CUX1: variants seen among roughly 807,000 people sequenced by gnomAD.
CUX1 encodes cut like homeobox 1, also known as protein CASP.
CUX1 carries 31 observed loss-of-function variants against 158.8 expected under a neutral mutation model. The observed-to-expected ratio is 0.20, with a 90% CI of 0.15 to 0.26. The LOEUF is 0.26. Ranked by LOEUF, CUX1 falls within the 10% of genes least tolerant of loss-of-function variation. The pLI is 1.00. For synonymous variants in CUX1, 879 were observed against 862.1 expected, an observed-to-expected ratio of 1.02 and a Z score of -0.34; for missense variants, 1,589 against 2,014.6, an observed-to-expected ratio of 0.79 and a Z score of 4.04.
intron 12 of CUX1, among the ~76,000 whole-genome samples, chr7:102,193,621 G>A (rs1020784731): frequency 3.3e-5 from 5 of 152,036 alleles, no homozygotes; most frequent in African/African-American, 7.2e-5. Context: ...CCTGGCCAAC[G>A]TGGTGAAACC....
At chr7:101,895,247 C>G (rs1224603392) in intron 1 of CUX1, among the ~76,000 whole-genome samples, 1 of 152,186 alleles carries the variant, frequency 6.6e-6, no homozygotes, top group Non-Finnish European at 1.5e-5. Context: ...TCTTGAACTC[C>G]TGACCTCAAA....
At chr7:102,010,927 A>G (rs1476885079) in intron 2 of CUX1, among the ~76,000 whole-genome samples, 1 of 152,092 alleles carries the variant, frequency 6.6e-6, no homozygotes, top group Non-Finnish European at 1.5e-5. Flanking sequence ...CCTGACCAAC[A>G]TGGAGAAACC....
intron 2 of CUX1, among the ~76,000 whole-genome samples, chr7:101,937,605 G>C (rs1393230847): frequency 6.6e-6 from 1 of 152,030 alleles, no homozygotes; most frequent in African/African-American, 2.4e-5. Context: ...CTGCCTCCCA[G>C]GTTCAAGCAA....
intron 2 of CUX1, among the ~76,000 whole-genome samples, chr7:101,986,121 A>T (rs550770335): frequency 6.6e-6 from 1 of 152,192 alleles, no homozygotes; most frequent in Non-Finnish European, 1.5e-5. Flanking sequence ...CCCCTCACAG[A>T]CAATTCAGGA....
At position 102,248,691 on chromosome 7, in the gene CUX1, C is replaced by A. The variant is rs1554538027; in HGVS notation, c.4167C>A (p.Asp1389Glu). Reference sequence around the variant, plus strand: ...CGGGCCCGGACGACGCCCGCGACGACGACCACGAGGGAGGCCCCGTGGAAG... The same window carrying A: ...CGGGCCCGGACGACGCCCGCGACGAAGACCACGAGGGAGGCCCCGTGGAAG... ...GTPGPDDARD[D>E]DHEGGPVEGP... The change falls in exon 24 of 24, where the codon GAC (aspartate) becomes GAA (glutamate). Residue 1389 changes from aspartate to glutamate, a missense_variant. Physicochemically the swap from Asp to Glu is conservative, Grantham distance 45. Coordinates refer to ENST00000292535, the MANE Select transcript of CUX1 (RefSeq NM_181552.4). The surrounding 1 kb of genome is among the most constrained non-coding windows in gnomAD (Gnocchi z 5.8). 6 of 1,273,628 alleles carry A rather than the reference C, an allele frequency of 4.7e-6. No individual in the cohort carries two copies. In the South Asian group the frequency reaches 8.8e-5, roughly 19 times the overall value. 78.9% of individuals were successfully genotyped at this position (1,273,628 alleles called of 1,614,324 possible). A position where few individuals can be genotyped will look rare whatever the true frequency, so the allele number is the denominator to read the frequency against.
chr7:101,836,521 C>T (rs1018260993), intron 1 of CUX1, among the ~76,000 whole-genome samples: 2 of 151,936 alleles, frequency 1.3e-5, no homozygotes, highest in African/African-American at 4.8e-5. Context: ...ACCCCCTTCA[C>T]TGGACTATGA....
upstream of CUX1, chr7:101,817,337 G>T (rs1394582149): frequency 5.1e-6 from 5 of 984,810 alleles, no homozygotes; most frequent in Non-Finnish European, 6.0e-6. This position sits in a 1 kb window ranked among gnomAD's most constrained non-coding sequence, Gnocchi z 4.1. Flanking sequence ...TGCAGGGCCC[G>T]CCATGGAGCG....
intron 2 of CUX1, among the ~76,000 whole-genome samples, chr7:101,946,178 G>A (rs574023408): frequency 9.9e-5 from 15 of 152,214 alleles, no homozygotes; most frequent in East Asian, 3.9e-4. Context: ...TGGGTCAGAC[G>A]GCAGCTTTCT....
chr7:102,121,597 T>G lies in CUX1; in HGVS notation c.674+6324T>G, dbSNP rs1454010708. ...CCAGACTCAAGTGATCTGCCCGCCT[T>G]GGCCTCCTGAAGTGCTGGGATGACA... On this transcript the variant is annotated intron_variant, in intron 8 of 23. Coordinates refer to ENST00000292535, the MANE Select transcript of CUX1 (RefSeq NM_181552.4). 2.6e-5 allele frequency among the ~76,000 whole-genome samples: 4 copies of G among 152,300 alleles called. No homozygotes were observed. In the East Asian group the frequency reaches 7.7e-4, roughly 29 times the overall value.
chr7:102,016,243 C>T (rs532473869), intron 2 of CUX1, among the ~76,000 whole-genome samples: 42 of 152,330 alleles, frequency 2.8e-4, no homozygotes, highest in African/African-American at 9.6e-4. Context: ...CCCCTGTGCC[C>T]GGCCAGGCTT....
intron 2 of CUX1, among the ~76,000 whole-genome samples, chr7:101,996,931 GCA>G (rs1815986582): frequency 6.6e-6 from 1 of 151,306 alleles, no homozygotes; most frequent in South Asian, 2.1e-4. Flanking sequence ...GGAAATTCCG[GCA>G]CAGTCTCCTC....
chr7:102,001,014 A>T (rs1204106900), intron 2 of CUX1, among the ~76,000 whole-genome samples: 1 of 151,758 alleles, frequency 6.6e-6, no homozygotes, highest in African/African-American at 2.4e-5. Context: ...ATGGGCCTCA[A>T]GTAATCATCC....
chr7:102,168,225 C>A (rs1165585422), intron 9 of CUX1, among the ~76,000 whole-genome samples: 2 of 152,140 alleles, frequency 1.3e-5, no homozygotes. Context: ...ACAGAGGTGA[C>A]CTGCTTGGGC....
rs1376827044 is a variant in CUX1, at chr7:102,201,384, C to T, written c.2087C>T (p.Ala696Val). 4 of 1,613,678 alleles carry T rather than the reference C, an allele frequency of 2.5e-6. No homozygotes were observed. Among genetic ancestry groups the T allele is most frequent in the Non-Finnish European group, 2.5e-6 (3 of 1,179,924 alleles). The stretch of plus-strand genomic sequence containing the variant: ...GCAGAGCCGGCCCAGCCTTCCTCCG[C>T]ATCCGGCAGCGGGAACTCTGATGAC... ...KTAEPAQPSS[A>V]SGSGNSDDAI... Residue 696 changes from alanine (A) to valine (V), a missense_variant, in exon 18 of 24, where the codon GCA becomes GTA. This residue lies in a region of CUX1 where 337 missense variants were observed against 409.3 expected (regional missense o/e 0.82). Transcript: ENST00000292535. The surrounding 1 kb of genome is among the most constrained non-coding windows in gnomAD (Gnocchi z 5.0).
Position 102,104,327 on chromosome 7 carries a change from T to C in CUX1, c.407-9T>C. 2 of 1,593,572 alleles carry C rather than the reference T, an allele frequency of 1.3e-6. No homozygotes were observed. Among genetic ancestry groups the C allele is most frequent in the Non-Finnish European group, 1.7e-6 (2 of 1,175,792 alleles). The stretch of plus-strand genomic sequence containing the variant: ...TCTTACTGTAGGTTTTTTTTTTTCT[T>C]TTCTGCAGAGGTTACGATAAAAGCA... On this transcript the variant is annotated splice_polypyrimidine_tract_variant and intron_variant, in intron 5 of 23. Transcript: ENST00000292535.
At chr7:101,832,449 G>A (rs747548070) in intron 1 of CUX1, among the ~76,000 whole-genome samples, 123 of 152,316 alleles carry the variant, frequency 8.1e-4, no homozygotes, top group Middle Eastern at 3.4e-3. Context: ...GGTGCAGGGG[G>A]CTGGCACCTT....
At chr7:101,977,719 C>T (rs1237178794) in intron 2 of CUX1, among the ~76,000 whole-genome samples, 1 of 151,938 alleles carries the variant, frequency 6.6e-6, no homozygotes, top group African/African-American at 2.4e-5. Flanking sequence ...TGCAGTGAGT[C>T]GAGATTGCAC....
At chr7:102,163,821 G>C (rs1790719932) in intron 9 of CUX1, among the ~76,000 whole-genome samples, 1 of 152,200 alleles carries the variant, frequency 6.6e-6, no homozygotes, top group Admixed American at 6.5e-5. Context: ...CCCAGGAGGA[G>C]CAATTTACTA....
At chr7:101,887,157 C>T (rs1562965816) in intron 1 of CUX1, among the ~76,000 whole-genome samples, 1 of 152,080 alleles carries the variant, frequency 6.6e-6, no homozygotes, top group Non-Finnish European at 1.5e-5. Flanking sequence ...AGGGGCTTTG[C>T]TGGGGAGGGG....
Sources: gnomAD v4.1 joint callset for allele counts (sites outside exome capture counted in the v4.1 genomes callset) on GRCh38, gnomAD v4.1.1 for gene constraint, gnomAD v4.1.1 regional missense constraint, Gnocchi (gnomAD v3.1) non-coding constraint, MANE v1.5 for transcripts, NCBI Gene and HGNC (gene_info 2026-07-23, HGNC 2026-07-21) for gene names.